PPL: variants seen among roughly 807,000 people sequenced by gnomAD.
PPL encodes the protein periplakin.
A neutral mutation model predicts 194.4 loss-of-function variants in PPL; 198 were observed. The observed-to-expected ratio is 1.02, with a 90% CI of 0.91 to 1.15. The LOEUF (loss-of-function observed/expected upper bound fraction) is 1.15. Among genes scored for constraint, PPL ranks in the 50% most tolerant of loss-of-function variants. PPL has a pLI of 0.00. For missense variants in PPL, 2,885 were observed against 2,294.8 expected (o/e 1.26, Z -5.25); for synonymous variants, 1,220 against 972.4 (o/e 1.25, Z -4.74).
At chr16:4,911,675 C>A (rs928607960) in intron 1 of PPL, among the ~76,000 whole-genome samples, 1 of 152,104 alleles carries the variant, frequency 6.6e-6, no homozygotes, top group African/African-American at 2.4e-5. Context: ...GCTGGGACTA[C>A]AGGCACATGC....
chr16:4,895,223 T>C, intron 11 of PPL, 38 bp downstream of exon 11: 1 of 1,555,018 alleles, frequency 6.4e-7, no homozygotes, highest in Admixed American at 2.0e-5. Flanking sequence ...CCCCAAAAAC[T>C]TTGTAGTGAT....
At position 4,892,156 on chromosome 16, in the gene PPL, C is replaced by T. The variant is rs377303448; in HGVS notation, c.1708G>A (p.Gly570Ser). ...EPEKTRSTAEGEAFIQALPGS... is the reference protein window; with the variant it reads ...EPEKTRSTAESEAFIQALPGS... Reference sequence around the variant, plus strand: ...GGGAGGGCCTGGATGAAGGCTTCGCCCTCAGCCGTGCTCCGCGTCTTCTCA... The same window carrying T: ...GGGAGGGCCTGGATGAAGGCTTCGCTCTCAGCCGTGCTCCGCGTCTTCTCA... The change falls in exon 15 of 22, where the codon GGC (glycine) becomes AGC (serine). Residue 570 changes from glycine (G) to serine (S), a missense_variant. Coordinates refer to ENST00000345988, the MANE Select transcript of PPL (RefSeq NM_002705.5). 65 of 1,613,712 alleles carry T rather than the reference C, an allele frequency of 4.0e-5. No homozygotes were observed. The highest frequency in any genetic ancestry group is 5.3e-5 in the Non-Finnish European group (63 of 1,180,034).
Position 4,891,851 on chromosome 16 carries a change from T to G in PPL, c.1928A>C (p.Glu643Ala). 6.2e-7 allele frequency: 1 copy of G among 1,613,430 alleles called. No individual in the cohort carries two copies. The highest frequency in any genetic ancestry group is 8.5e-7 in the Non-Finnish European group (1 of 1,179,970). ...CTTGCTGTCCAGGACACGGCTGCTC[T>G]CAGGCACTGTGTCATCCTGATTCAG... ...NHLNQDDTVP[E>A]SSRVLDSKGQ... Residue 643 changes from glutamate (E) to alanine (A), a missense_variant, in exon 16 of 22, where the codon GAG becomes GCG. Glu to Ala is a moderately radical substitution (Grantham distance 107). Transcript: ENST00000345988.
intron 2 of PPL, among the ~76,000 whole-genome samples, chr16:4,907,079 T>TAA (rs57847738): frequency 0.2 from 15,039 of 77,090 alleles, 1,407 homozygotes; most frequent in East Asian, 0.26. Context: ...ACCCTATCTC[T>TAA]AAAAAAAAAA....
chr16:4,928,507 G>C (rs959735411), intron 1 of PPL, among the ~76,000 whole-genome samples: 7 of 152,266 alleles, frequency 4.6e-5, no homozygotes, highest in Admixed American at 2.0e-4. Flanking sequence ...GAGCCTGCAA[G>C]GCCGCAGGGC....
intron 9 of PPL, among the ~76,000 whole-genome samples, chr16:4,897,037 C>T (rs1304598067): frequency 6.6e-6 from 1 of 151,956 alleles, no homozygotes; most frequent in Non-Finnish European, 1.5e-5. Flanking sequence ...GAATTGTACA[C>T]TTAAAAATGC....
chr16:4,910,984 G>C (rs1472260752), intron 1 of PPL, 35 bp from the exon 2 acceptor site: 23 of 1,571,548 alleles, frequency 1.5e-5, no homozygotes, highest in Non-Finnish European at 2.0e-5. Context: ...TGGGCGGGGT[G>C]CCTGGTGGGT....
intron 1 of PPL, among the ~76,000 whole-genome samples, chr16:4,928,612 C>G (rs2089188898): frequency 6.6e-6 from 1 of 152,242 alleles, no homozygotes; most frequent in African/African-American, 2.4e-5. Flanking sequence ...AATTCTCTGC[C>G]TTCGCCATGG....
At chr16:4,909,633 G>T (rs564271977) in intron 2 of PPL, among the ~76,000 whole-genome samples, 34 of 151,708 alleles carry the variant, frequency 2.2e-4, no homozygotes, top group Non-Finnish European at 4.0e-4. Context: ...CACCACATTG[G>T]CCAGTCTGGT....
chr16:4,890,972 C>T (rs773685184), intron 16 of PPL, 51 bp from the exon 17 acceptor site: 24 of 1,449,680 alleles, frequency 1.7e-5, no homozygotes, highest in Non-Finnish European at 2.2e-5. Context: ...GCTCCCAGAG[C>T]CAGGCGATGA....
In PPL at chr16:4,883,724, G is replaced by A; in HGVS notation, c.4931C>T (p.Ala1644Val). 1 of 1,613,920 alleles carries A rather than the reference G, an allele frequency of 6.2e-7. No homozygotes were observed. Among genetic ancestry groups the A allele is most frequent in the Non-Finnish European group, 8.5e-7 (1 of 1,179,990 alleles). ...DELQKRLGSV[A>V]VKREQRENHL... ...GTTCTCCCGCTGCTCCCGCTTGACG[G>A]CCACGGAGCCCAGGCGCTTCTGCAG... Residue 1644 changes from alanine to valine, a missense_variant, in exon 22 of 22, where the codon GCC becomes GTC. Physicochemically the swap from Ala to Val is moderately conservative, Grantham distance 64. Transcript: ENST00000345988. This position sits in a 1 kb window ranked among gnomAD's most constrained non-coding sequence, Gnocchi z 4.8.
In PPL at chr16:4,883,761, C is replaced by T. The variant is rs370359256; in HGVS notation, c.4894G>A (p.Glu1632Lys). 1.2e-5 allele frequency: 19 copies of T among 1,613,972 alleles called. No individual in the cohort carries two copies. Among genetic ancestry groups the T allele is most frequent in the African/African-American group, 4.0e-5 (3 of 74,942 alleles). ...AGGCGCTTCTGCAGCTCGTCGATCTCGAGGTCTTTGTCCTTGGAGAGCCTC... is the reference window on the plus strand; with the variant it reads ...AGGCGCTTCTGCAGCTCGTCGATCTTGAGGTCTTTGTCCTTGGAGAGCCTC... Reference protein sequence around the residue: ...LKRLSKDKDLEIDELQKRLGS... With the variant: ...LKRLSKDKDLKIDELQKRLGS... The change falls in exon 22 of 22, where the codon GAG becomes AAG. Residue 1632 changes from glutamate (E) to lysine (K), a missense_variant. Transcript: ENST00000345988. This position sits in a 1 kb window ranked among gnomAD's most constrained non-coding sequence, Gnocchi z 4.8.
chr16:4,891,122 G>A, intron 16 of PPL, among the ~76,000 whole-genome samples: 1 of 152,244 alleles, frequency 6.6e-6, no homozygotes, highest in East Asian at 1.9e-4. Flanking sequence ...ACAAAGCCCT[G>A]AAAAGCTAAC....
chr16:4,924,760 C>T (rs1339267825), intron 1 of PPL, among the ~76,000 whole-genome samples: 1 of 152,240 alleles, frequency 6.6e-6, no homozygotes, highest in Non-Finnish European at 1.5e-5. Flanking sequence ...GCCCCTGCAA[C>T]CCTGTCCATA....
chr16:4,916,531 G>A (rs1367256113), intron 1 of PPL, among the ~76,000 whole-genome samples: 1 of 151,466 alleles, frequency 6.6e-6, no homozygotes, highest in Non-Finnish European at 1.5e-5. Context: ...TTTGAGACAG[G>A]GTCTCACTCT....
chr16:4,935,901 G>C (rs2089291504), intron 1 of PPL, among the ~76,000 whole-genome samples: 1 of 152,166 alleles, frequency 6.6e-6, no homozygotes, highest in Non-Finnish European at 1.5e-5. Flanking sequence ...AGACAGGAGA[G>C]CCATGTAATG....
Position 4,890,385 on chromosome 16 carries a change from C to T in PPL, c.2163-51G>A, listed in dbSNP as rs187799847. On this transcript the variant is annotated intron_variant, in intron 17 of 21. Transcript: ENST00000345988. Reference sequence around the variant, plus strand: ...CAGCCACAGCAAACAGATGCCTCACCGAGCCCTCATTTTTTTTTTTAAAGT... The same window carrying T: ...CAGCCACAGCAAACAGATGCCTCACTGAGCCCTCATTTTTTTTTTTAAAGT... 2.0e-4 allele frequency: 300 copies of T among 1,518,642 alleles called. 1 individual carries two copies. The African/African-American group carries it at 3.9e-3, about 20-fold the overall frequency. The allele number at this position is 1,518,642 out of a possible 1,614,324, so 94.1% of individuals were successfully genotyped here.
At chr16:4,903,414 A>C (rs1225944476) in intron 3 of PPL, among the ~76,000 whole-genome samples, 4 of 152,158 alleles carry the variant, frequency 2.6e-5, no homozygotes, top group African/African-American at 9.7e-5. Context: ...CAAGAGGATC[A>C]TGTGAGGCTG....
At chr16:4,888,782 C>T (rs540045755) in intron 19 of PPL, 196 bp downstream of exon 19, 5 of 601,270 alleles carry the variant, frequency 8.3e-6, no homozygotes, top group Non-Finnish European at 1.5e-5. Flanking sequence ...AGTATAAAAC[C>T]CTTTTACAGC....
Sources: allele counts gnomAD v4.1 joint callset (sites outside exome capture counted in the v4.1 genomes callset), GRCh38; gene constraint gnomAD v4.1.1; non-coding constraint Gnocchi (gnomAD v3.1); transcripts MANE v1.5; gene names NCBI Gene and HGNC (gene_info 2026-07-23, HGNC 2026-07-21).